The following DNAJC5G variants were observed in gnomAD, a reference collection of about 807,000 sequenced individuals.
DNAJC5G encodes the protein dnaJ homolog subfamily C member 5G.
DNAJC5G carries 13 observed loss-of-function variants against 19.1 expected under a neutral mutation model. The ratio of observed to expected loss-of-function variants is 0.68; its 90% CI spans 0.44 to 1.08. The LOEUF is 1.08. DNAJC5G is among the 50% of genes least tolerant of loss of function. The pLI is 0.00. For missense variants in DNAJC5G, 245 were observed against 230.4 expected (o/e 1.06, Z -0.41); for synonymous variants, 81 against 84.4 (o/e 0.96, Z 0.22).
intron 1 of DNAJC5G, 28 bp downstream of exon 1, chr2:27,275,581 C>T (rs559458378): frequency 2.9e-4 from 85 of 297,444 alleles, no homozygotes; most frequent in South Asian, 2.5e-3. Context: ...GGTGAGGAGT[C>T]GGCACAGGGC....
chr2:27,280,290 G>A (rs371834758), intron 6 of DNAJC5G, 57 bp downstream of exon 6: 18 of 1,391,628 alleles, frequency 1.3e-5, no homozygotes, highest in Non-Finnish European at 1.6e-5. Context: ...GTAAGCTAAC[G>A]TCAGATGAGT....
In DNAJC5G at chr2:27,277,836, C is replaced by A; in HGVS notation, c.196C>A (p.Pro66Thr). Residue 66 changes from proline to threonine, a missense_variant, in exon 4 of 7, where the codon CCA (proline) becomes ACA (threonine). Coordinates refer to ENST00000296097, the MANE Select transcript of DNAJC5G (RefSeq NM_173650.3). ...CTTGCGGTATCATCCCGACAAGAAT[C>A]CAGGGAATGCTCAAGCAGCAGAAAT... Reference protein sequence around the residue: ...LALRYHPDKNPGNAQAAEIFK... With the variant: ...LALRYHPDKNTGNAQAAEIFK... The A allele has an allele frequency of 6.2e-7, 1 of 1,614,138 alleles. No individual in the cohort carries two copies. The highest frequency in any genetic ancestry group is 8.5e-7 in the Non-Finnish European group (1 of 1,180,030).
At chr2:27,275,911 A>G (rs1678034324) in intron 1 of DNAJC5G, 195 bp from the exon 2 acceptor site, 2 of 118,962 alleles carry the variant, frequency 1.7e-5, no homozygotes, top group African/African-American at 3.4e-5. Context: ...GCTCTAGGAC[A>G]CTTGACTTCT....
intron 2 of DNAJC5G, 135 bp from the exon 3 acceptor site, chr2:27,276,586 CTCTTA>C (rs1678087969): frequency 6.0e-6 from 4 of 662,540 alleles, no homozygotes; most frequent in Middle Eastern, 4.2e-4. Flanking sequence ...ATCCCACTCA[CTCTTA>C]TCTTATCCTT....
intron 3 of DNAJC5G, 41 bp downstream of exon 3, chr2:27,276,882 C>T: frequency 6.6e-7 from 1 of 1,520,366 alleles, no homozygotes; most frequent in Non-Finnish European, 9.0e-7. Flanking sequence ...GAATTTCCCC[C>T]TTAAACCTTT....
chr2:27,280,173 A>G lies in DNAJC5G; in HGVS notation c.528A>G (p.Lys176=). 1 of 1,613,940 alleles carries G rather than the reference A, an allele frequency of 6.2e-7. No homozygotes were observed. The highest frequency in any genetic ancestry group is 1.1e-5 in the South Asian group (1 of 91,066). Residue 176 remains lysine (K), a synonymous_variant, in exon 6 of 7, where the codon AAA becomes AAG. Coordinates refer to ENST00000296097, the MANE Select transcript of DNAJC5G (RefSeq NM_173650.3). The stretch of plus-strand genomic sequence containing the variant: ...TATATAATTCCATCATAGGAGCCAA[A>G]TGTGATTTTAGAAGCGAGGAAAATA... ...VQSQPPRSGA[K]CDFRSEENSE...
intron 4 of DNAJC5G, 45 bp downstream of exon 4, chr2:27,278,060 A>G (rs767294388): frequency 8.7e-6 from 14 of 1,608,616 alleles, no homozygotes; most frequent in Non-Finnish European, 1.1e-5. Context: ...AAGAAGGGTG[A>G]CCTTCCTTTC....
In DNAJC5G at chr2:27,277,910, G is replaced by T. The variant is rs192512997; in HGVS notation, c.270G>T (p.Lys90Asn). The T allele has an allele frequency of 6.2e-7, 1 of 1,614,206 alleles. No homozygotes were observed. The highest frequency in any genetic ancestry group is 1.1e-5 in the South Asian group (1 of 91,078). ...ATGCCATACTGAGCGACTCTAAGAAGCGGAAAATTTACGACCAGCATGGCT... is the reference window on the plus strand; with the variant it reads ...ATGCCATACTGAGCGACTCTAAGAATCGGAAAATTTACGACCAGCATGGCT... ...AAHAILSDSK[K>N]RKIYDQHGSL... The change falls in exon 4 of 7, where the codon AAG (lysine) becomes AAT (asparagine). Residue 90 changes from lysine (K) to asparagine (N), a missense_variant. Coordinates refer to ENST00000296097, the MANE Select transcript of DNAJC5G (RefSeq NM_173650.3).
At position 27,280,234 on chromosome 2, in the gene DNAJC5G, G is replaced by A. The variant is rs778583256; in HGVS notation, c.*18+1G>A. 6.2e-7 allele frequency: 1 copy of A among 1,613,382 alleles called. No individual in the cohort carries two copies. Among genetic ancestry groups the A allele is most frequent in the East Asian group, 2.2e-5 (1 of 44,864 alleles). ...TTTTTAAGAGATGAAGAAGGATGAG[G>A]TATGTAAACCGAAAGGCAGCAACAG... On this transcript the variant is annotated splice_donor_variant, in intron 6 of 6. Coordinates refer to ENST00000296097, the MANE Select transcript of DNAJC5G (RefSeq NM_173650.3). LOFTEE classifies it low-confidence loss of function (3UTR_SPLICE).
intron 5 of DNAJC5G, among the ~76,000 whole-genome samples, chr2:27,279,775 C>T (rs554998336): frequency 6.6e-6 from 1 of 151,072 alleles, no homozygotes; most frequent in Non-Finnish European, 1.5e-5. Context: ...ATACAGAAGT[C>T]AGCCGGTCAT....
At chr2:27,276,921 C>CTA in intron 3 of DNAJC5G, 80 bp downstream of exon 3, 5 of 763,026 alleles carry the variant, frequency 6.6e-6, no homozygotes, top group Non-Finnish European at 9.7e-6. Flanking sequence ...TGCTATCTGA[C>CTA]TCTTTTTTTT....
intron 6 of DNAJC5G, 87 bp downstream of exon 6, chr2:27,280,320 T>A: frequency 9.0e-7 from 1 of 1,116,742 alleles, no homozygotes; most frequent in Non-Finnish European, 1.4e-6. Context: ...AAAGTTTACA[T>A]CCTTATAGTA....
intron 3 of DNAJC5G, 147 bp from the exon 4 acceptor site, chr2:27,277,607 A>T: frequency 9.1e-7 from 1 of 1,101,562 alleles, no homozygotes; most frequent in Non-Finnish European, 1.3e-6. Flanking sequence ...TTTGGGGCCA[A>T]ATGGCACCAT....
rs1295838671 is a variant in DNAJC5G at position 27,277,777 on chromosome 2, C to T, written c.137C>T (p.Pro46Leu). 6 of 1,614,066 alleles carry T rather than the reference C, an allele frequency of 3.7e-6. No individual in the cohort carries two copies. Among genetic ancestry groups the T allele is most frequent in the Non-Finnish European group, 5.1e-6 (6 of 1,179,940 alleles). The stretch of plus-strand genomic sequence containing the variant: ...AGCCATTCCGCATTGCTTCCCCACC[C>T]TCCTTTTGAGTATCACCTGGGTAGG... ...SYSHSALLPH[P>L]PFEYHLGRKL... The change falls in exon 4 of 7, where the codon CCT (proline) becomes CTT (leucine). Residue 46 changes from proline (P) to leucine (L), a missense_variant. Coordinates refer to ENST00000296097, the MANE Select transcript of DNAJC5G (RefSeq NM_173650.3).
intron 4 of DNAJC5G, 46 bp from the exon 5 acceptor site, chr2:27,278,142 C>A: frequency 6.2e-7 from 1 of 1,613,696 alleles, no homozygotes; most frequent in South Asian, 1.1e-5. Context: ...CTTGAGCAGT[C>A]ATATAGAAAA....
intron 5 of DNAJC5G, among the ~76,000 whole-genome samples, chr2:27,278,781 C>T (rs1003197619): frequency 2.0e-5 from 3 of 146,928 alleles, no homozygotes; most frequent in East Asian, 2.0e-4. Flanking sequence ...CCGAGGCGGG[C>T]GGATCACGAG....
In DNAJC5G at chr2:27,281,103, A is replaced by C. The variant is rs935883491; in HGVS notation, c.*693A>C. On this transcript the variant is annotated 3_prime_UTR_variant, in exon 7 of 7. Transcript: ENST00000296097. ...AGATTATCCTTGGACTTCAGCTACCAGCACAGCATGCATTAGCCTTGGTCC... is the reference window on the plus strand; with the variant it reads ...AGATTATCCTTGGACTTCAGCTACCCGCACAGCATGCATTAGCCTTGGTCC... 1 of 152,412 alleles carries C rather than the reference A, an allele frequency of 6.6e-6. No individual in the cohort carries two copies. Among genetic ancestry groups the C allele is most frequent in the Non-Finnish European group, 1.5e-5 (1 of 68,054 alleles). 9.4% of individuals were successfully genotyped at this position (152,412 alleles called of 1,614,324 possible).
intron 5 of DNAJC5G, 113 bp downstream of exon 5, chr2:27,278,445 G>A: frequency 7.0e-7 from 1 of 1,435,140 alleles, no homozygotes; most frequent in Non-Finnish European, 9.3e-7. Context: ...CTTTGGGAGG[G>A]TGAGGCGGGT....
rs1678322245 is a variant in DNAJC5G at position 27,280,465 on chromosome 2, C to T, written c.*55C>T. The T allele has an allele frequency of 2.2e-6, 1 of 447,762 alleles. No individual in the cohort carries two copies. Among genetic ancestry groups the T allele is most frequent in the Admixed American group, 3.5e-5 (1 of 28,846 alleles). 27.7% of individuals were successfully genotyped at this position (447,762 alleles called of 1,614,324 possible). A position where few individuals can be genotyped will look rare whatever the true frequency, so the allele number is the denominator to read the frequency against. On this transcript the variant is annotated 3_prime_UTR_variant, in exon 7 of 7. Transcript: ENST00000296097. ...GTGAGGGTGCCTTCTGCTGCCCAGT[C>T]CCCTGGACACATTGAAGAGAGGAGC...
Sources: gnomAD v4.1 joint callset for allele counts (sites outside exome capture counted in the v4.1 genomes callset) on GRCh38, gnomAD v4.1.1 for gene constraint, MANE v1.5 for transcripts, NCBI Gene and HGNC (gene_info 2026-07-23, HGNC 2026-07-21) for gene names.